The following TTN variants were observed in gnomAD, a reference collection of about 807,000 sequenced individuals.
TTN encodes titin.
TTN carries 1,525 observed loss-of-function variants against 3,223.0 expected under a neutral mutation model. The observed-to-expected ratio is 0.47, with a 90% confidence interval of 0.45 to 0.49. The LOEUF (loss-of-function observed/expected upper bound fraction) is 0.49, where lower values mean the gene tolerates loss of function less well. Among genes scored for constraint, TTN ranks in the 20% least tolerant of loss-of-function variants. The probability of loss-of-function intolerance (pLI) is 0.00; values close to 1 mark genes in which losing one functional copy is unlikely to be tolerated. For missense variants in TTN, 40,786 were observed against 43,424.0 expected, an observed-to-expected ratio of 0.94 and a Z score of 5.40; for synonymous variants, 14,094 against 15,161.0, an observed-to-expected ratio of 0.93 and a Z score of 5.17.
chr2:178,793,307 T>C (rs879235671), intron 9 of TTN, 97 bp downstream of exon 9: 3 of 1,512,824 alleles, frequency 2.0e-6, no homozygotes, highest in East Asian at 2.3e-5. Context: ...CTAACAACCA[T>C]GTGGCCCAAG....
In TTN at chr2:178,724,102, T is replaced by G. The variant is rs727504741; in HGVS notation, c.21157A>C (p.Thr7053Pro). The G allele has an allele frequency of 4.0e-5, 65 of 1,612,806 alleles. No individual in the cohort carries two copies. The highest frequency in any genetic ancestry group is 3.6e-4 in the South Asian group (33 of 91,026). ...PPSFTRRLKN[T>P]GGVLGASCIL... Reference sequence around the variant, plus strand: ...CAAGAAGCACCTAACACCCCACCAGTATTTTTCAGTCTTCGTGTGAAAGAG... The same window carrying G: ...CAAGAAGCACCTAACACCCCACCAGGATTTTTCAGTCTTCGTGTGAAAGAG... The change falls in exon 73 of 363, where the codon ACT (threonine) becomes CCT (proline). Residue 7053 changes from threonine to proline, a missense_variant. Coordinates refer to ENST00000589042, the MANE Select transcript of TTN (RefSeq NM_001267550.2).
rs904878126 is a variant in TTN at position 178,591,325 on chromosome 2, A to T, written c.60400T>A (p.Ser20134Thr). 3 of 1,613,344 alleles carry T rather than the reference A, an allele frequency of 1.9e-6. No individual in the cohort carries two copies. The Admixed American group carries it at 5.0e-5, about 27-fold the overall frequency. Residue 20134 changes from serine (S) to threonine (T), a missense_variant, in exon 304 of 363, where the codon TCA becomes ACA. Physicochemically the swap from Ser to Thr is moderately conservative, Grantham distance 58 (BLOSUM62 1). Coordinates refer to ENST00000589042, the MANE Select transcript of TTN (RefSeq NM_001267550.2). ...AAGCAGTTCTTAATGGTAAGTACTG[A>T]TGAGAAGTTGTCTGTTTCAACTGTG... The part of the protein sequence containing the change: ...HYTVETDNFS[S>T]VLTIKNCLRR...
rs370287542 is a variant in TTN, at chr2:178,556,858, G to A, written c.88296C>T (p.Ile29432=). 7.4e-6 allele frequency: 12 copies of A among 1,613,352 alleles called. No individual in the cohort carries two copies. The highest frequency in any genetic ancestry group is 1.6e-4 in the Middle Eastern group (1 of 6,080). ...PSEVVGPITC[I]DSYGGPVIDL... Reference sequence around the variant, plus strand: ...GCTAAGCATGCTTACCATAAGAATCGATGCAAGTAATGGGCCCTACAACCT... The same window carrying A: ...GCTAAGCATGCTTACCATAAGAATCAATGCAAGTAATGGGCCCTACAACCT... The change falls in exon 330 of 363, where the codon ATC becomes ATT. Residue 29432 remains isoleucine, a synonymous_variant. Coordinates refer to ENST00000589042, the MANE Select transcript of TTN (RefSeq NM_001267550.2).
chr2:178,649,993 G>C, intron 210 of TTN, 99 bp from the exon 211 acceptor site: 1 of 1,421,880 alleles, frequency 7.0e-7, no homozygotes, highest in Non-Finnish European at 9.7e-7. Flanking sequence ...TGGTATATGT[G>C]GGACCAAATT....
chr2:178,614,230 C>A lies in TTN; in HGVS notation c.49167G>T (p.Glu16389Asp), dbSNP rs1386540651. 1.2e-6 allele frequency: 2 copies of A among 1,612,534 alleles called. No homozygotes were observed. Among genetic ancestry groups the A allele is most frequent in the South Asian group, 2.2e-5 (2 of 91,044 alleles). The change falls in exon 262 of 363, where the codon GAG (glutamate) becomes GAT (aspartate). Residue 16389 changes from glutamate to aspartate, a missense_variant. Coordinates refer to ENST00000589042, the MANE Select transcript of TTN (RefSeq NM_001267550.2). ...ACACTTCACTATCAGTTGCTCGTCT[C>A]TCCACAACATAGTTTGTGATCTTAG... ...GGSKITNYVVERRATDSEVWH... is the reference protein window; with the variant it reads ...GGSKITNYVVDRRATDSEVWH...
intron 215 of TTN, 93 bp from the exon 216 acceptor site, chr2:178,646,652 C>T: frequency 1.4e-6 from 1 of 699,938 alleles, no homozygotes; most frequent in South Asian, 2.0e-5. Flanking sequence ...AGATTACAGT[C>T]ACAAAATAAA....
Position 178,725,658 on chromosome 2 carries a change from G to GA in TTN, c.20555-10dup. On this transcript the variant is annotated splice_polypyrimidine_tract_variant and intron_variant, in intron 70 of 362. Coordinates refer to ENST00000589042, the MANE Select transcript of TTN (RefSeq NM_001267550.2). ...GACAAATCTTGGTGGTTCTGAACAGGAAAAGATGGATGGAAATTGTTGAAA... is the reference window on the plus strand; with the variant it reads ...GACAAATCTTGGTGGTTCTGAACAGGAAAAAGATGGATGGAAATTGTTGAAA... 1 of 1,561,680 alleles carries GA rather than the reference G, an allele frequency of 6.4e-7. No individual in the cohort carries two copies. The highest frequency in any genetic ancestry group is 2.3e-5 in the East Asian group (1 of 44,308).
intron 78 of TTN, 89 bp downstream of exon 78, chr2:178,721,758 T>C: frequency 1.5e-6 from 2 of 1,378,548 alleles, no homozygotes; most frequent in Middle Eastern, 1.9e-4. Flanking sequence ...TTAGTTTCTC[T>C]CAAACATTTA....
Position 178,740,088 on chromosome 2 carries a change from C to T in TTN, c.13145G>A (p.Ser4382Asn). The T allele has an allele frequency of 6.2e-7, 1 of 1,613,822 alleles. No individual in the cohort carries two copies. Among genetic ancestry groups the T allele is most frequent in the Non-Finnish European group, 8.5e-7 (1 of 1,179,802 alleles). Residue 4382 changes from serine to asparagine, a missense_variant, in exon 48 of 363, where the codon AGC becomes AAC. Coordinates refer to ENST00000589042, the MANE Select transcript of TTN (RefSeq NM_001267550.2). ...CTCTTCTGGAATACCAGAAAGCAAG[C>T]TTTCCTTAGAAAGAAGGTCCCTTCC... is the stretch of plus-strand genomic sequence containing the variant. ...VQGRDLLSKESLLSGIPEEQR... is the reference protein window; with the variant it reads ...VQGRDLLSKENLLSGIPEEQR...
intron 98 of TTN, among the ~76,000 whole-genome samples, chr2:178,710,082 T>C (rs917643185): frequency 2.0e-5 from 3 of 152,136 alleles, no homozygotes; most frequent in Non-Finnish European, 2.9e-5. Flanking sequence ...TCATGGCCAT[T>C]TAGAGAATCA....
chr2:178,724,312 C>T lies in TTN; in HGVS notation c.21063G>A (p.Gln7021=). ...TGCTTTTCCCAACATTATTTTGAAC[C>T]TGGAAAGTGTATGTGCCTGCATCTT... ...ERQDAGTYTF[Q]VQNNVGKSSC... is the part of the protein sequence containing the mutation. Residue 7021 remains glutamine, a synonymous_variant, in exon 72 of 363, where the codon CAG becomes CAA. Transcript: ENST00000589042. 1 of 1,613,502 alleles carries T rather than the reference C, an allele frequency of 6.2e-7. No homozygotes were observed. The highest frequency in any genetic ancestry group is 1.1e-5 in the South Asian group (1 of 91,060).
intron 98 of TTN, 34 bp downstream of exon 98, chr2:178,710,601 A>G: frequency 6.3e-7 from 1 of 1,580,978 alleles, no homozygotes; most frequent in Non-Finnish European, 8.6e-7. Flanking sequence ...AAATGATTAC[A>G]CTTTTGTTGG....
Position 178,657,537 on chromosome 2 carries a change from A to G in TTN, c.37999T>C (p.Ser12667Pro), listed in dbSNP as rs1326649487. 6.3e-7 allele frequency: 1 copy of G among 1,580,706 alleles called. No homozygotes were observed. The highest frequency in any genetic ancestry group is 8.6e-7 in the Non-Finnish European group (1 of 1,167,510). The part of the protein sequence containing the change: ...KEVVLEKKVP[S>P]TPPKKPEVPP... ...ACTTCAGGCTTTTTAGGAGGAGTCG[A>G]GGGCACTTTCTTTTCAAGGACAACT... The change falls in exon 189 of 363, where the codon TCG becomes CCG. Residue 12667 changes from serine to proline, a missense_variant. Coordinates refer to ENST00000589042, the MANE Select transcript of TTN (RefSeq NM_001267550.2).
At position 178,552,643 on chromosome 2, in the gene TTN, CAT is replaced by C. The variant is rs773840992; in HGVS notation, c.90255_90256del (p.Cys30086Ter). 2 of 1,613,978 alleles carry C rather than the reference CAT, an allele frequency of 1.2e-6. No homozygotes were observed. Among genetic ancestry groups the C allele is most frequent in the East Asian group, 2.2e-5 (1 of 44,856 alleles). On this transcript the variant is annotated frameshift_variant, in exon 335 of 363. Coordinates refer to ENST00000589042, the MANE Select transcript of TTN (RefSeq NM_001267550.2). LOFTEE classifies it high-confidence loss of function. ...CTTAAGTTGGCTAACCTCAATTTCA[CAT>C]GTCTTACTTATGCCAGCGTGGGACC... is the stretch of plus-strand genomic sequence containing the variant.
At chr2:178,625,508 C>A (rs2058888591) in intron 240 of TTN, 112 bp from the exon 241 acceptor site, 1 of 1,271,968 alleles carries the variant, frequency 7.9e-7, no homozygotes, top group South Asian at 2.0e-5. Flanking sequence ...GTTTTATAAT[C>A]ATCTATTTAG....
At position 178,569,068 on chromosome 2, in the gene TTN, C is replaced by G; in HGVS notation, c.77064G>C (p.Gln25688His). The G allele has an allele frequency of 6.2e-7, 1 of 1,613,288 alleles. No homozygotes were observed. The highest frequency in any genetic ancestry group is 8.5e-7 in the Non-Finnish European group (1 of 1,179,528). Residue 25688 changes from glutamine (Q) to histidine (H), a missense_variant, in exon 326 of 363, where the codon CAG (glutamine) becomes CAC (histidine). By Grantham distance (24) the Gln-to-His change is conservative. Coordinates refer to ENST00000589042, the MANE Select transcript of TTN (RefSeq NM_001267550.2). The part of the protein sequence containing the change: ...ENEYGIGLPA[Q>H]TADPIKVAEV... ...CTGCAACCTTAATTGGATCAGCAGT[C>G]TGGGCAGGAAGGCCAATACCATACT...
In TTN at chr2:178,671,181, A is replaced by G; in HGVS notation, c.35228-11T>C. 6.3e-7 allele frequency: 1 copy of G among 1,586,274 alleles called. No individual in the cohort carries two copies. Among genetic ancestry groups the G allele is most frequent in the Non-Finnish European group, 8.6e-7 (1 of 1,169,294 alleles). ...CAGATATCTCAGGCCCTTCAAAGAT[A>G]TTAGTATTTTGGTTTAGAATGAACT... On this transcript the variant is annotated splice_polypyrimidine_tract_variant and intron_variant, in intron 155 of 362. Coordinates refer to ENST00000589042, the MANE Select transcript of TTN (RefSeq NM_001267550.2).
At chr2:178,757,177 T>TGCTTTC (rs2087374814) in intron 45 of TTN, among the ~76,000 whole-genome samples, 1 of 151,728 alleles carries the variant, frequency 6.6e-6, no homozygotes, top group Non-Finnish European at 1.5e-5. Flanking sequence ...ATACTGTACT[T>TGCTTTC]ACTTTAAGTA....
intron 47 of TTN, chr2:178,746,129 T>A: frequency 6.2e-7 from 1 of 1,613,466 alleles, no homozygotes; most frequent in Non-Finnish European, 8.5e-7. Flanking sequence ...GTATTTAATA[T>A]TATCTGGCTC....
Sources: allele counts gnomAD v4.1 joint callset (sites outside exome capture counted in the v4.1 genomes callset), GRCh38; gene constraint gnomAD v4.1.1; transcripts MANE v1.5; gene names NCBI Gene and HGNC (gene_info 2026-07-23, HGNC 2026-07-21).